Variants in PDSS2 observed in about 807,000 individuals in gnomAD.
The protein encoded by PDSS2 is all trans-polyprenyl-diphosphate synthase PDSS2.
In PDSS2, 31 loss-of-function variants were observed where a neutral mutation model predicts 44.5. The ratio of observed to expected loss-of-function variants is 0.70; its 90% CI spans 0.52 to 0.94. The LOEUF (loss-of-function observed/expected upper bound fraction) is 0.94, where lower values mean the gene tolerates loss of function less well. Ranked by LOEUF, PDSS2 falls within the 40% of genes least tolerant of loss-of-function variation. The pLI, the probability that PDSS2 is intolerant of heterozygous loss-of-function variation, is 0.00. For missense variants in PDSS2, 452 were observed against 482.2 expected, an observed-to-expected ratio of 0.94 and a Z score of 0.59; for synonymous variants, 157 against 180.3, an observed-to-expected ratio of 0.87 and a Z score of 1.03.
chr6:107,193,762 G>A (rs925406479), intron 7 of PDSS2, 60 bp downstream of exon 7: 26 of 1,029,334 alleles, frequency 2.5e-5, no homozygotes, highest in East Asian at 1.7e-4. Flanking sequence ...AAATATAAAC[G>A]AAAGCCAAAC....
At chr6:107,437,596 C>T (rs1319340380) in intron 1 of PDSS2, among the ~76,000 whole-genome samples, 1 of 151,212 alleles carries the variant, frequency 6.6e-6, no homozygotes, top group Non-Finnish European at 1.5e-5. Context: ...GTTCTAGGAC[C>T]TCCTCATTTC....
At chr6:107,432,653 G>A (rs1206886429) in intron 1 of PDSS2, among the ~76,000 whole-genome samples, 1 of 152,178 alleles carries the variant, frequency 6.6e-6, no homozygotes, top group East Asian at 1.9e-4. Context: ...GTGCACGCCT[G>A]TGGCTGAGGC....
At chr6:107,280,124 A>G (rs1050669857) in intron 2 of PDSS2, among the ~76,000 whole-genome samples, 3 of 152,100 alleles carry the variant, frequency 2.0e-5, no homozygotes, top group African/African-American at 7.2e-5. Flanking sequence ...CAGTAACGTG[A>G]TCTCGGCTCA....
chr6:107,407,689 CT>C (rs1780363721), intron 1 of PDSS2, among the ~76,000 whole-genome samples: 5 of 152,250 alleles, frequency 3.3e-5, no homozygotes, highest in Non-Finnish European at 5.9e-5. Flanking sequence ...TTGAGTAGTA[CT>C]TATTACTAGC....
intron 2 of PDSS2, among the ~76,000 whole-genome samples, chr6:107,324,384 G>T (rs1267821047): frequency 6.6e-6 from 1 of 152,096 alleles, no homozygotes; most frequent in East Asian, 1.9e-4. Context: ...TAAAATCACT[G>T]TCAATAAGCG....
chr6:107,394,298 G>C (rs1779873754), intron 1 of PDSS2, among the ~76,000 whole-genome samples: 1 of 152,156 alleles, frequency 6.6e-6, no homozygotes, highest in Non-Finnish European at 1.5e-5. Flanking sequence ...TATAAGAAAA[G>C]TGGTTTAACT....
At chr6:107,389,064 G>T (rs1244596711) in intron 1 of PDSS2, among the ~76,000 whole-genome samples, 1 of 152,204 alleles carries the variant, frequency 6.6e-6, no homozygotes, top group Admixed American at 6.5e-5. Flanking sequence ...GTTGCCAGGG[G>T]TTGGGAGAGT....
intron 2 of PDSS2, among the ~76,000 whole-genome samples, chr6:107,293,895 G>T (rs1251923187): frequency 6.6e-6 from 1 of 152,088 alleles, no homozygotes; most frequent in Non-Finnish European, 1.5e-5. Flanking sequence ...AAATAAGGGG[G>T]ATCTCAATCA....
intron 1 of PDSS2, among the ~76,000 whole-genome samples, chr6:107,421,992 G>C (rs917783882): frequency 1.3e-5 from 2 of 149,362 alleles, no homozygotes; most frequent in Admixed American, 6.8e-5. Flanking sequence ...GGACCTCTCT[G>C]TACAATTTTT....
At chr6:107,402,590 T>G (rs1195456435) in intron 1 of PDSS2, among the ~76,000 whole-genome samples, 2 of 145,798 alleles carry the variant, frequency 1.4e-5, no homozygotes, top group African/African-American at 5.1e-5. Flanking sequence ...TGAGGTTTAA[T>G]GGATTCACAG....
At chr6:107,340,882 T>C (rs1284722665) in intron 1 of PDSS2, among the ~76,000 whole-genome samples, 1 of 152,112 alleles carries the variant, frequency 6.6e-6, no homozygotes, top group Non-Finnish European at 1.5e-5. Flanking sequence ...ATTTGGGCAA[T>C]GTGTGAAGGT....
chr6:107,282,559 C>CT (rs879504384), intron 2 of PDSS2, among the ~76,000 whole-genome samples: 67 of 146,340 alleles, frequency 4.6e-4, no homozygotes, highest in African/African-American at 1.3e-3. Context: ...TACCTGGCTG[C>CT]TTTTTTTTTT....
At chr6:107,198,462 T>C (rs1324010797) in intron 6 of PDSS2, among the ~76,000 whole-genome samples, 1 of 152,218 alleles carries the variant, frequency 6.6e-6, no homozygotes, top group African/African-American at 2.4e-5. Flanking sequence ...ATGAAATCAT[T>C]TTACTCTTGA....
intron 2 of PDSS2, among the ~76,000 whole-genome samples, chr6:107,307,763 G>A (rs952705309): frequency 6.6e-6 from 1 of 151,976 alleles, no homozygotes; most frequent in Non-Finnish European, 1.5e-5. Context: ...TCCACAGTAG[G>A]GTTCTTTTTT....
intron 4 of PDSS2, among the ~76,000 whole-genome samples, chr6:107,241,184 G>A (rs1027668151): frequency 6.7e-6 from 1 of 148,610 alleles, no homozygotes; most frequent in Non-Finnish European, 1.5e-5. Context: ...GGTAGGCAGA[G>A]GTTACAGTGA....
chr6:107,165,257 G>A (rs1554247311), intron 7 of PDSS2, among the ~76,000 whole-genome samples: 1 of 152,094 alleles, frequency 6.6e-6, no homozygotes, highest in Non-Finnish European at 1.5e-5. Flanking sequence ...TGTCCTGAAT[G>A]GCATTGCCTA....
At chr6:107,413,907 A>T (rs1217228236) in intron 1 of PDSS2, among the ~76,000 whole-genome samples, 1 of 152,240 alleles carries the variant, frequency 6.6e-6, no homozygotes, top group Non-Finnish European at 1.5e-5. Context: ...TGTATGGGAT[A>T]AACTGGAGAG....
At chr6:107,369,749 A>C (rs912031342) in intron 1 of PDSS2, among the ~76,000 whole-genome samples, 1 of 152,090 alleles carries the variant, frequency 6.6e-6, no homozygotes, top group Non-Finnish European at 1.5e-5. Flanking sequence ...CTCCACCTGT[A>C]ATACCAGAAC....
chr6:107,325,657 C>A (rs1381972789), intron 2 of PDSS2, among the ~76,000 whole-genome samples: 1 of 152,162 alleles, frequency 6.6e-6, no homozygotes, highest in Non-Finnish European at 1.5e-5. Flanking sequence ...AAGTTCAGGT[C>A]AGCCCAGGGA....
Sources: allele counts gnomAD v4.1 joint callset (sites outside exome capture counted in the v4.1 genomes callset), GRCh38; gene constraint gnomAD v4.1.1; transcripts MANE v1.5; gene names NCBI Gene and HGNC (gene_info 2026-07-23, HGNC 2026-07-21).